Variants in APOC2 observed in about 807,000 individuals in gnomAD.
APOC2 encodes apolipoprotein C-II.
A neutral mutation model predicts 10.2 loss-of-function variants in APOC2; 6 were observed. That is an observed-to-expected ratio of 0.59 (90% CI 0.32 to 1.16). The LOEUF is 1.16. Ranked by LOEUF, APOC2 falls within the 50% of genes most tolerant of loss-of-function variation. APOC2 has a pLI of 0.05. For synonymous variants in APOC2, 56 were observed against 48.5 expected, an observed-to-expected ratio of 1.15 and a Z score of -0.64; for missense variants, 110 against 117.6, an observed-to-expected ratio of 0.94 and a Z score of 0.30.
chr19:44,947,470 C>T (rs1207492556), intron 1 of APOC2, among the ~76,000 whole-genome samples: 1 of 152,200 alleles, frequency 6.6e-6, no homozygotes, highest in Non-Finnish European at 1.5e-5. Context: ...GCTGTGTTCC[C>T]TGCTGGGCCC....
At chr19:44,948,017 C>A (rs928989433) in intron 1 of APOC2, among the ~76,000 whole-genome samples, 1 of 152,042 alleles carries the variant, frequency 6.6e-6, no homozygotes, top group Non-Finnish European at 1.5e-5. Context: ...TGCAGTGAGC[C>A]GAGAACACGC....
chr19:44,946,234 T>TGTGTGTGTGAGAGAGA (rs1236986911), intron 1 of APOC2, among the ~76,000 whole-genome samples, 159 bp downstream of exon 1: 5 of 132,904 alleles, frequency 3.8e-5, no homozygotes, highest in African/African-American at 8.9e-5. Context: ...TGTGTGTGTG[T>TGTGTGTGTGAGAGAGA]GAGAGAGAGA....
Position 44,949,246 on chromosome 19 carries a change from G to A in APOC2, c.303G>A (p.Glu101=), listed in dbSNP as rs747862227. 1.9e-6 allele frequency: 3 copies of A among 1,613,264 alleles called. No homozygotes were observed. The highest frequency in any genetic ancestry group is 2.5e-6 in the Non-Finnish European group (3 of 1,179,620). Residue 101 remains glutamate, a synonymous_variant, in exon 4 of 4, where the codon GAG becomes GAA. Transcript: ENST00000252490. ...DQVLSVLKGE[E] ...TTCTTTCTGTGCTGAAGGGAGAGGA[G>A]TAACAGCCAGACCCCCCATCAGTGG... is the stretch of plus-strand genomic sequence containing the variant.
intron 3 of APOC2, 42 bp downstream of exon 3, chr19:44,948,902 C>T (rs376048961): frequency 1.5e-4 from 243 of 1,606,094 alleles, no homozygotes; most frequent in Non-Finnish European, 1.9e-4. Context: ...GCCCATACCA[C>T]CGACTGCATC....
At position 44,948,832 on chromosome 19, in the gene APOC2, T is replaced by C. The variant is rs959736411; in HGVS notation, c.187T>C (p.Tyr63His). 1 of 1,613,684 alleles carries C rather than the reference T, an allele frequency of 6.2e-7. No individual in the cohort carries two copies. Among genetic ancestry groups the C allele is most frequent in the African/African-American group, 1.3e-5 (1 of 75,026 alleles). The part of the protein sequence containing the change: ...TAAQNLYEKT[Y>H]LPAVDEKLRD... ...CGCCCAGAACCTGTACGAGAAGACA[T>C]ACCTGCCCGCTGTAGATGAGAAACT... Residue 63 changes from tyrosine to histidine, a missense_variant, in exon 3 of 4, where the codon TAC becomes CAC. Tyr to His is a moderately conservative substitution (Grantham distance 83). Coordinates refer to ENST00000252490, the MANE Select transcript of APOC2 (RefSeq NM_000483.5).
intron 3 of APOC2, 120 bp from the exon 4 acceptor site, chr19:44,949,039 G>C: frequency 2.0e-6 from 2 of 1,012,776 alleles, no homozygotes; most frequent in Non-Finnish European, 2.7e-6. Context: ...CAGGAGTCCA[G>C]GCCCCCAGCC....
Position 44,947,845 on chromosome 19 carries a change from G to A in APOC2, c.-13-621G>A, listed in dbSNP as rs151176577. On this transcript the variant is annotated intron_variant, in intron 1 of 3. Coordinates refer to ENST00000252490, the MANE Select transcript of APOC2 (RefSeq NM_000483.5). ...AGCACTTTGGGAGGCCAAGGTGGGC[G>A]GATCACGAGGTCAGAAGTTCGAGAC... Among the ~76,000 whole-genome samples, 604 of 151,674 alleles carry A rather than the reference G, an allele frequency of 4.0e-3. 4 individuals carry two copies. Among genetic ancestry groups the A allele is most frequent in the African/African-American group, 0.014 (562 of 41,368 alleles).
chr19:44,949,066 C>G lies in APOC2; in HGVS notation c.216-93C>G, dbSNP rs1016772626. 14 of 1,205,610 alleles carry G rather than the reference C, an allele frequency of 1.2e-5. No individual in the cohort carries two copies. In the Admixed American group the frequency reaches 2.7e-4, roughly 23 times the overall value. The allele number at this position is 1,205,610 out of a possible 1,614,324, so 74.7% of individuals were successfully genotyped here. A position where few individuals can be genotyped will look rare whatever the true frequency, so the allele number is the denominator to read the frequency against. Reference sequence around the variant, plus strand: ...CCCCCAGCCCCTCCTCCCTCAGACCCAGGAGTCCAGGTCCCCAGACCCTCC... The same window carrying G: ...CCCCCAGCCCCTCCTCCCTCAGACCGAGGAGTCCAGGTCCCCAGACCCTCC... On this transcript the variant is annotated intron_variant, in intron 3 of 3. Transcript: ENST00000252490.
intron 1 of APOC2, among the ~76,000 whole-genome samples, chr19:44,946,420 C>A (rs998940703): frequency 4.6e-5 from 7 of 152,002 alleles, no homozygotes; most frequent in Non-Finnish European, 1.0e-4. Context: ...GTTAGGGTGG[C>A]TGAGGTGGGG....
chr19:44,948,393 C>A (rs571157988), intron 1 of APOC2, 73 bp from the exon 2 acceptor site: 35 of 1,313,418 alleles, frequency 2.7e-5, no homozygotes, highest in South Asian at 2.2e-4. Context: ...GTCCCCCCCA[C>A]CAGAGTGGGG....
intron 2 of APOC2, 75 bp from the exon 3 acceptor site, chr19:44,948,626 C>T: frequency 3.7e-6 from 6 of 1,604,378 alleles, no homozygotes; most frequent in Admixed American, 1.7e-5. Flanking sequence ...CTGCCTCTGC[C>T]CTCTCCTCTT....
chr19:44,948,580 C>T (rs1311489621), intron 2 of APOC2, 47 bp downstream of exon 2: 6 of 1,605,362 alleles, frequency 3.7e-6, no homozygotes, highest in Non-Finnish European at 5.1e-6. Flanking sequence ...GGGGAATGAG[C>T]TCCAAGCATC....
intron 3 of APOC2, 128 bp from the exon 4 acceptor site, chr19:44,949,031 G>A: frequency 1.0e-6 from 1 of 983,934 alleles, no homozygotes. Flanking sequence ...CTCAGACCCA[G>A]GAGTCCAGGC....
chr19:44,946,234 T>TGTGTGTGTGTGTGTGTGA (rs1236986911), intron 1 of APOC2, among the ~76,000 whole-genome samples, 159 bp downstream of exon 1: 110 of 132,886 alleles, frequency 8.3e-4, no homozygotes, highest in African/African-American at 2.9e-3. Context: ...TGTGTGTGTG[T>TGTGTGTGTGTGTGTGTGA]GAGAGAGAGA....
Position 44,948,546 on chromosome 19 carries a change from T to G in APOC2, c.55+13T>G, listed in dbSNP as rs1199446729. 1 of 1,613,756 alleles carries G rather than the reference T, an allele frequency of 6.2e-7. No individual in the cohort carries two copies. The highest frequency in any genetic ancestry group is 1.7e-5 in the Admixed American group (1 of 59,990). On this transcript the variant is annotated intron_variant, in intron 2 of 3. Transcript: ENST00000252490. ...GTATTGGGATTTGGTGAGTGTGGGC[T>G]TCCGGGGAGGGAAGCCTTGGGGAGG...
Position 44,948,875 on chromosome 19 carries a change from T to C in APOC2, c.215+15T>C. 1.2e-6 allele frequency: 2 copies of C among 1,609,966 alleles called. No individual in the cohort carries two copies. The highest frequency in any genetic ancestry group is 1.7e-6 in the Non-Finnish European group (2 of 1,179,980). On this transcript the variant is annotated intron_variant, in intron 3 of 3. Coordinates refer to ENST00000252490, the MANE Select transcript of APOC2 (RefSeq NM_000483.5). ...GAGAAACTCAGGTAGCACCTGCCCCTGGAGAAATGGGGTCTGGCCCATACC... is the reference window on the plus strand; with the variant it reads ...GAGAAACTCAGGTAGCACCTGCCCCCGGAGAAATGGGGTCTGGCCCATACC...
intron 1 of APOC2, 71 bp from the exon 2 acceptor site, chr19:44,948,395 A>G (rs1310395853): frequency 1.5e-5 from 19 of 1,294,766 alleles, no homozygotes; most frequent in Non-Finnish European, 1.7e-5. Context: ...CCCCCCCACC[A>G]GAGTGGGGCG....
chr19:44,948,017 C>T (rs928989433), intron 1 of APOC2, among the ~76,000 whole-genome samples: 4 of 152,042 alleles, frequency 2.6e-5, no homozygotes, highest in African/African-American at 7.2e-5. Context: ...TGCAGTGAGC[C>T]GAGAACACGC....
intron 1 of APOC2, 45 bp from the exon 2 acceptor site, chr19:44,948,421 C>A: frequency 6.5e-7 from 1 of 1,544,894 alleles, no homozygotes; most frequent in Non-Finnish European, 8.9e-7. Flanking sequence ...ACAGGAACAG[C>A]CGCCTCCAGT....
Sources: gnomAD v4.1 joint callset for allele counts (sites outside exome capture counted in the v4.1 genomes callset) on GRCh38, gnomAD v4.1.1 for gene constraint, MANE v1.5 for transcripts, NCBI Gene and HGNC (gene_info 2026-07-23, HGNC 2026-07-21) for gene names.